Variants in PDE10A observed in about 807,000 individuals in gnomAD.
PDE10A encodes phosphodiesterase 10A, also known as cAMP and cAMP-inhibited cGMP 3',5'-cyclic phosphodiesterase 10A.
PDE10A carries 39 observed loss-of-function variants against 97.7 expected under a neutral mutation model. The ratio of observed to expected loss-of-function variants is 0.40; its 90% CI spans 0.31 to 0.52. PDE10A has a LOEUF of 0.52. PDE10A is among the 20% of genes least tolerant of loss of function. The pLI is 0.56. For missense variants in PDE10A, 731 were observed against 1,047.8 expected, an observed-to-expected ratio of 0.70 and a Z score of 4.17; for synonymous variants, 371 against 376.8, an observed-to-expected ratio of 0.98 and a Z score of 0.18.
intron 1 of PDE10A, among the ~76,000 whole-genome samples, chr6:165,604,287 C>T (rs990594198): frequency 1.3e-5 from 2 of 152,072 alleles, no homozygotes; most frequent in African/African-American, 4.8e-5. Context: ...GCCTGGCAAA[C>T]AGCAGACCCC....
At chr6:165,447,398 C>T (rs73788390) in intron 5 of PDE10A, among the ~76,000 whole-genome samples, 4,300 of 152,216 alleles carry the variant, frequency 0.028, 201 homozygotes, top group African/African-American at 0.096. Flanking sequence ...CCCTCATGGG[C>T]CACATGTCCA....
intron 2 of PDE10A, among the ~76,000 whole-genome samples, chr6:165,514,478 T>G (rs1459886170): frequency 6.6e-6 from 1 of 152,240 alleles, no homozygotes; most frequent in Non-Finnish European, 1.5e-5. Context: ...TGGTTTTACA[T>G]TCCACTAGGA....
intron 1 of PDE10A, among the ~76,000 whole-genome samples, chr6:165,716,205 G>C (rs542789257): frequency 6.6e-5 from 10 of 152,154 alleles, no homozygotes; most frequent in African/African-American, 2.4e-4. Context: ...TCTGGGTTCC[G>C]AGTCTCCACA....
chr6:165,406,997 G>A (rs189543104), intron 13 of PDE10A, among the ~76,000 whole-genome samples: 2 of 152,140 alleles, frequency 1.3e-5, no homozygotes, highest in African/African-American at 4.8e-5. Context: ...TTTCAGACTT[G>A]GACTGAGCTA....
chr6:165,779,611 G>A (rs1778291465), intron 1 of PDE10A, among the ~76,000 whole-genome samples: 1 of 152,166 alleles, frequency 6.6e-6, no homozygotes, highest in Admixed American at 6.5e-5. Context: ...TTAATTATTT[G>A]GGGTGGTGGC....
chr6:165,469,361 T>C (rs1583346106), intron 3 of PDE10A, among the ~76,000 whole-genome samples: 1 of 152,172 alleles, frequency 6.6e-6, no homozygotes, highest in East Asian at 1.9e-4. Flanking sequence ...TTTACACTAA[T>C]ATGCTCAGGA....
At chr6:165,367,514 A>G (rs533129243) in intron 18 of PDE10A, among the ~76,000 whole-genome samples, 34 of 152,188 alleles carry the variant, frequency 2.2e-4, no homozygotes, top group African/African-American at 7.7e-4. Flanking sequence ...AATGCTTGAA[A>G]CTTCTCCAAA....
rs113616610 is a variant in PDE10A, at chr6:165,622,273, A to AGTGT, written c.865+39670_865+39673dup. On this transcript the variant is annotated intron_variant, in intron 1 of 21. Coordinates refer to ENST00000539869, the MANE Select transcript of PDE10A (RefSeq NM_001385079.1). ...CTGTCTCTGTATATGTGTGTTTGTG[A>AGTGT]GTGTGTGTGTGTGTGTGTGTGTATG... Among the ~76,000 whole-genome samples, 275 of 148,938 alleles carry AGTGT rather than the reference A, an allele frequency of 1.8e-3. 1 individual carries two copies. Among genetic ancestry groups the AGTGT allele is most frequent in the South Asian group, 9.4e-3 (44 of 4,668 alleles).
chr6:165,650,122 G>T (rs926787970), intron 1 of PDE10A, among the ~76,000 whole-genome samples: 1 of 152,066 alleles, frequency 6.6e-6, no homozygotes, highest in African/African-American at 2.4e-5. Flanking sequence ...AATTTTAGGG[G>T]CTGACAAATG....
At chr6:165,434,944 A>T (rs1419677515) in intron 6 of PDE10A, among the ~76,000 whole-genome samples, 2 of 152,226 alleles carry the variant, frequency 1.3e-5, no homozygotes, top group Non-Finnish European at 2.9e-5. Flanking sequence ...GCAAAATATG[A>T]ATCATAAAAC....
intron 10 of PDE10A, among the ~76,000 whole-genome samples, chr6:165,423,471 C>T (rs1398067777): frequency 6.6e-6 from 1 of 152,098 alleles, no homozygotes; most frequent in Non-Finnish European, 1.5e-5. Flanking sequence ...TCTGCGGTGC[C>T]CAGGATAACA....
At chr6:165,899,833 C>T (rs931954412) in intron 1 of PDE10A, among the ~76,000 whole-genome samples, 1 of 152,234 alleles carries the variant, frequency 6.6e-6, no homozygotes, top group African/African-American at 2.4e-5. Flanking sequence ...CAACTGCAGC[C>T]ACCTTCTTGG....
intron 1 of PDE10A, among the ~76,000 whole-genome samples, chr6:165,912,641 T>C (rs1486698617): frequency 2.0e-5 from 3 of 152,198 alleles, no homozygotes; most frequent in Non-Finnish European, 4.4e-5. Context: ...AGAAAACAGA[T>C]GTTAGAGGAA....
Position 165,842,536 on chromosome 6 carries a change from G to A in PDE10A, c.-615+144993C>T, listed in dbSNP as rs886366712. On this transcript the variant is annotated intron_variant, in intron 1 of 19. Transcript: ENST00000366882. ...GTGAGTTAAATGAGTAACAGAGAGC[G>A]AATGCAAGCTCACTTTGGAAATTCA... is the stretch of plus-strand genomic sequence containing the variant. Among the ~76,000 whole-genome samples the A allele has an allele frequency of 7.9e-5, 12 of 152,342 alleles. No homozygotes were observed. In the East Asian group the frequency reaches 2.1e-3, roughly 27 times the overall value.
intron 1 of PDE10A, among the ~76,000 whole-genome samples, chr6:165,604,007 C>T (rs1013262193): frequency 8.6e-5 from 13 of 152,042 alleles, no homozygotes; most frequent in Non-Finnish European, 1.8e-4. Flanking sequence ...GAAAGTGTAA[C>T]AATCAAGATA....
chr6:165,500,572 G>A (rs1472323075), intron 2 of PDE10A, among the ~76,000 whole-genome samples: 1 of 152,190 alleles, frequency 6.6e-6, no homozygotes, highest in East Asian at 1.9e-4. Context: ...AATACACAGG[G>A]ACCTCTGCCT....
intron 21 of PDE10A, among the ~76,000 whole-genome samples, chr6:165,333,571 C>T (rs1457953590): frequency 2.0e-5 from 3 of 152,306 alleles, no homozygotes; most frequent in East Asian, 1.9e-4. Context: ...GCCTAAACCT[C>T]ATCATCTTAC....
At chr6:165,493,139 G>C (rs1453813260) in intron 2 of PDE10A, among the ~76,000 whole-genome samples, 2 of 152,084 alleles carry the variant, frequency 1.3e-5, no homozygotes, top group African/African-American at 4.8e-5. Flanking sequence ...GGAGGTGAAA[G>C]ACTGCTACAC....
At position 165,331,144 on chromosome 6, in the gene PDE10A, T is replaced by C. The variant is rs1257717259; in HGVS notation, c.*1881A>G. 6.6e-6 allele frequency: 1 copy of C among 152,202 alleles called. No individual in the cohort carries two copies. Among genetic ancestry groups the C allele is most frequent in the Non-Finnish European group, 1.5e-5 (1 of 68,030 alleles). 9.4% of individuals were successfully genotyped at this position (152,202 alleles called of 1,614,324 possible). Reference sequence around the variant, plus strand: ...TGTGTATGTATCATATATACACATATGTATACGTTTACATACATGAGTGTG... The same window carrying C: ...TGTGTATGTATCATATATACACATACGTATACGTTTACATACATGAGTGTG... On this transcript the variant is annotated 3_prime_UTR_variant, in exon 22 of 22. Transcript: ENST00000539869.
Sources: allele counts gnomAD v4.1 joint callset (sites outside exome capture counted in the v4.1 genomes callset), GRCh38; gene constraint gnomAD v4.1.1; transcripts MANE v1.5; gene names NCBI Gene and HGNC (gene_info 2026-07-23, HGNC 2026-07-21).